CMYA5: variants seen among roughly 807,000 people sequenced by gnomAD.
The protein encoded by CMYA5 is cardiomyopathy associated 5.
CMYA5 carries 246 observed loss-of-function variants against 318.9 expected under a neutral mutation model. The ratio of observed to expected loss-of-function variants is 0.77; its 90% CI spans 0.70 to 0.86. The LOEUF is 0.86. CMYA5 is among the 40% of genes least tolerant of loss of function. CMYA5 has a pLI of 0.00. For synonymous variants in CMYA5, 1,641 were observed against 1,729.5 expected (o/e 0.95, Z 1.27); for missense variants, 4,589 against 4,678.2 (o/e 0.98, Z 0.56).
At chr5:79,722,363 G>C (rs1428308760) in intron 1 of CMYA5, among the ~76,000 whole-genome samples, 2 of 152,184 alleles carry the variant, frequency 1.3e-5, no homozygotes, top group African/African-American at 4.8e-5. Flanking sequence ...AAAAGGGACA[G>C]TTTGAAAATT....
At chr5:79,721,085 A>G (rs1400893334) in intron 1 of CMYA5, among the ~76,000 whole-genome samples, 1 of 152,246 alleles carries the variant, frequency 6.6e-6, no homozygotes, top group African/African-American at 2.4e-5. Flanking sequence ...AATTTATATT[A>G]GACATTAATG....
At position 79,737,583 on chromosome 5, in the gene CMYA5, C is replaced by A. The variant is rs571512200; in HGVS notation, c.8818C>A (p.Gln2940Lys). ...TAAGCCAGCCGGACTTTCAGAAGAT[C>A]AGAAGACTGCCTTTAGTATCATTTC... Reference protein sequence around the residue: ...TSKPAGLSEDQKTAFSIISEG... With the variant: ...TSKPAGLSEDKKTAFSIISEG... The change falls in exon 2 of 13, where the codon CAG (glutamine) becomes AAG (lysine). Residue 2940 changes from glutamine (Q) to lysine (K), a missense_variant. Around this residue, in one of 3 missense-constraint regions of CMYA5, gnomAD observed 2,431 missense variants for 2,495.1 expected, o/e 0.97. Coordinates refer to ENST00000446378, the MANE Select transcript of CMYA5 (RefSeq NM_153610.5). The A allele has an allele frequency of 6.2e-7, 1 of 1,613,678 alleles. No homozygotes were observed. Among genetic ancestry groups the A allele is most frequent in the Non-Finnish European group, 8.5e-7 (1 of 1,179,784 alleles).
chr5:79,771,855 A>G (rs912525340), intron 9 of CMYA5, among the ~76,000 whole-genome samples: 23 of 152,310 alleles, frequency 1.5e-4, no homozygotes, highest in African/African-American at 5.5e-4. Flanking sequence ...CCCTGAATAG[A>G]CTGAGGCATC....
At chr5:79,742,152 C>G (rs1244439495) in intron 2 of CMYA5, among the ~76,000 whole-genome samples, 1 of 143,650 alleles carries the variant, frequency 7.0e-6, no homozygotes, top group Non-Finnish European at 1.5e-5. Flanking sequence ...TCCTCCCCCT[C>G]TTCCTTTCCC....
Position 79,763,254 on chromosome 5 carries a change from C to A in CMYA5, c.11555+45C>A, listed in dbSNP as rs1485293818. On this transcript the variant is annotated intron_variant, in intron 9 of 12. Transcript: ENST00000446378. Reference sequence around the variant, plus strand: ...GGAGAGACTGCCCAGAGCCCAGTAACCAAGCTCTGGGTCCTAAACTACCCT... The same window carrying A: ...GGAGAGACTGCCCAGAGCCCAGTAAACAAGCTCTGGGTCCTAAACTACCCT... The A allele has an allele frequency of 4.6e-6, 7 of 1,512,822 alleles. No homozygotes were observed. The African/African-American group carries it at 8.3e-5, about 18-fold the overall frequency. The allele number at this position is 1,512,822 out of a possible 1,614,324, so 93.7% of individuals were successfully genotyped here.
intron 9 of CMYA5, among the ~76,000 whole-genome samples, chr5:79,763,608 G>A (rs1458664876): frequency 6.6e-6 from 1 of 152,132 alleles, no homozygotes; most frequent in African/African-American, 2.4e-5. Flanking sequence ...ATGTCTCCAT[G>A]ATAGATTGGT....
Position 79,724,018 on chromosome 5 carries a change from A to C in CMYA5, c.150-4897A>C, listed in dbSNP as rs186086537. 6.0e-4 allele frequency among the ~76,000 whole-genome samples: 92 copies of C among 152,266 alleles called. 1 individual carries two copies. Among genetic ancestry groups the C allele is most frequent in the Admixed American group, 5.9e-3 (90 of 15,296 alleles). ...AAAATATGATCATTTCCATAGTTTC[A>C]TAAAAAATTTTTTAATCGGCCGGGT... On this transcript the variant is annotated intron_variant, in intron 1 of 12. Coordinates refer to ENST00000446378, the MANE Select transcript of CMYA5 (RefSeq NM_153610.5).
At chr5:79,778,831 G>GTA (rs1828995753) in intron 9 of CMYA5, among the ~76,000 whole-genome samples, 79 of 98,140 alleles carry the variant, frequency 8.0e-4, no homozygotes, top group African/African-American at 1.6e-3. Context: ...GTGTGTGTGT[G>GTA]TGTGTATGTT....
chr5:79,753,779 C>T (rs1828477240), intron 6 of CMYA5, among the ~76,000 whole-genome samples: 1 of 125,776 alleles, frequency 8.0e-6, no homozygotes, highest in Non-Finnish European at 1.8e-5. Context: ...AAAACCCCAC[C>T]AGCCCTTTAT....
chr5:79,735,114 G>A lies in CMYA5; in HGVS notation c.6349G>A (p.Asp2117Asn). 1 of 1,613,770 alleles carries A rather than the reference G, an allele frequency of 6.2e-7. No homozygotes were observed. The highest frequency in any genetic ancestry group is 2.2e-5 in the East Asian group (1 of 44,878). ...TCAGTCAAAGGTTATTGATGATGCT[G>A]ATGAGGGAAAGAAACCATCACCTGA... ...MVQSKVIDDA[D>N]EGKKPSPEVK... is the part of the protein sequence containing the mutation. The change falls in exon 2 of 13, where the codon GAT becomes AAT. Residue 2117 changes from aspartate to asparagine, a missense_variant. Asp to Asn is a conservative substitution (Grantham distance 23). Transcript: ENST00000446378.
intron 6 of CMYA5, 35 bp from the exon 7 acceptor site, chr5:79,758,718 A>T: frequency 6.5e-7 from 1 of 1,527,742 alleles, no homozygotes; most frequent in Non-Finnish European, 8.8e-7. Context: ...TAATAAAAAC[A>T]GCATTAGTTA....
At chr5:79,725,267 G>A (rs1580761444) in intron 1 of CMYA5, among the ~76,000 whole-genome samples, 1 of 152,216 alleles carries the variant, frequency 6.6e-6, no homozygotes, top group South Asian at 2.1e-4. Context: ...TATACACCAT[G>A]GAATACTATG....
intron 1 of CMYA5, among the ~76,000 whole-genome samples, chr5:79,699,374 G>A (rs1827134220): frequency 1.3e-5 from 2 of 152,240 alleles, no homozygotes; most frequent in South Asian, 4.1e-4. Context: ...TGAAAACTGA[G>A]CAGTGGTCAT....
rs1828546962 is a variant in CMYA5 at position 79,757,238 on chromosome 5, T to C, written c.11111-1515T>C. Among the ~76,000 whole-genome samples the C allele has an allele frequency of 2.0e-5, 3 of 150,918 alleles. No individual in the cohort carries two copies. The South Asian group carries it at 6.3e-4, about 32-fold the overall frequency. ...CATGCTATTTTTTCAACTATGGGAA[T>C]AACCTTTTCCTCTAATTTGTAAAAT... On this transcript the variant is annotated intron_variant, in intron 6 of 12. Coordinates refer to ENST00000446378, the MANE Select transcript of CMYA5 (RefSeq NM_153610.5).
In CMYA5 at chr5:79,793,298, A is replaced by G; in HGVS notation, c.11790-139A>G. ...GGTTAAGGTTAGGGATACAATGAAC[A>G]GAGTATCTTTAGTTAAATTCCAGCA... On this transcript the variant is annotated intron_variant, in intron 11 of 12. Coordinates refer to ENST00000446378, the MANE Select transcript of CMYA5 (RefSeq NM_153610.5). The G allele has an allele frequency of 5.2e-6, 4 of 762,016 alleles. No homozygotes were observed. The South Asian group carries it at 7.3e-5, about 14-fold the overall frequency. The allele number at this position is 762,016 out of a possible 1,614,324, so 47.2% of individuals were successfully genotyped here. A position where few individuals can be genotyped will look rare whatever the true frequency, so the allele number is the denominator to read the frequency against.
In CMYA5 at chr5:79,730,732, C is replaced by G. The variant is rs775304112; in HGVS notation, c.1967C>G (p.Ser656Cys). ...APTSESSLSP[S>C]TTEKTSENQS... is the part of the protein sequence containing the mutation. The stretch of plus-strand genomic sequence containing the variant: ...ACATCTGAGAGCTCTCTCTCACCAT[C>G]CACAACTGAGAAGACTTCAGAGAAC... The change falls in exon 2 of 13, where the codon TCC (serine) becomes TGC (cysteine). Residue 656 changes from serine to cysteine, a missense_variant. Coordinates refer to ENST00000446378, the MANE Select transcript of CMYA5 (RefSeq NM_153610.5). The G allele has an allele frequency of 2.5e-6, 4 of 1,613,952 alleles. No homozygotes were observed. The highest frequency in any genetic ancestry group is 1.1e-5 in the South Asian group (1 of 91,076).
chr5:79,702,610 A>G (rs889759843), intron 1 of CMYA5, among the ~76,000 whole-genome samples: 2 of 152,100 alleles, frequency 1.3e-5, no homozygotes, highest in African/African-American at 4.8e-5. Flanking sequence ...GAGATGTGGA[A>G]GGGATTAGGG....
intron 9 of CMYA5, among the ~76,000 whole-genome samples, chr5:79,775,538 G>A (rs1828923434): frequency 6.6e-6 from 1 of 151,986 alleles, no homozygotes; most frequent in African/African-American, 2.4e-5. Flanking sequence ...CAGGAGAGAG[G>A]GGGAGACAGC....
At chr5:79,772,483 A>C (rs1173947182) in intron 9 of CMYA5, among the ~76,000 whole-genome samples, 1 of 152,078 alleles carries the variant, frequency 6.6e-6, no homozygotes, top group Non-Finnish European at 1.5e-5. Flanking sequence ...CCCAGGTTTG[A>C]CTCTCCAACC....
Sources: gnomAD v4.1 joint callset for allele counts (sites outside exome capture counted in the v4.1 genomes callset) on GRCh38, gnomAD v4.1.1 for gene constraint, gnomAD v4.1.1 regional missense constraint, MANE v1.5 for transcripts, NCBI Gene and HGNC (gene_info 2026-07-23, HGNC 2026-07-21) for gene names.